PTPRD: variants seen among roughly 807,000 people sequenced by gnomAD.
PTPRD encodes receptor-type tyrosine-protein phosphatase delta.
PTPRD carries 34 observed loss-of-function variants against 214.5 expected under a neutral mutation model. The ratio of observed to expected loss-of-function variants is 0.16; its 90% CI spans 0.12 to 0.21. The LOEUF is 0.21. Among genes scored for constraint, PTPRD ranks in the 10% least tolerant of loss-of-function variants. PTPRD has a pLI of 1.00. For synonymous variants in PTPRD, 1,128 were observed against 845.7 expected, an observed-to-expected ratio of 1.33 and a Z score of -5.79; for missense variants, 2,545 against 2,398.7, an observed-to-expected ratio of 1.06 and a Z score of -1.27.
At chr9:10,081,205 A>T (rs1384631109) in intron 3 of PTPRD, among the ~76,000 whole-genome samples, 1 of 152,104 alleles carries the variant, frequency 6.6e-6, no homozygotes, top group African/African-American at 2.4e-5. Flanking sequence ...AATATTATGA[A>T]GTTAATAACT....
At chr9:8,795,735 T>G (rs2096396142) in intron 11 of PTPRD, among the ~76,000 whole-genome samples, 1 of 152,214 alleles carries the variant, frequency 6.6e-6, no homozygotes, top group Admixed American at 6.5e-5. Context: ...TTACAAAGTC[T>G]TATTTATGAA....
intron 2 of PTPRD, among the ~76,000 whole-genome samples, chr9:10,505,416 T>C (rs2045586173): frequency 6.6e-6 from 1 of 152,202 alleles, no homozygotes; most frequent in African/African-American, 2.4e-5. Context: ...CCTTTAAGAA[T>C]GCTGACTGCC....
chr9:9,106,342 T>C (rs1354789163), intron 10 of PTPRD, among the ~76,000 whole-genome samples: 3 of 151,880 alleles, frequency 2.0e-5, no homozygotes, highest in African/African-American at 7.3e-5. Flanking sequence ...GCATGTACCA[T>C]TTGTGTTTTA....
At chr9:9,969,804 T>C (rs2094963593) in intron 4 of PTPRD, among the ~76,000 whole-genome samples, 1 of 152,192 alleles carries the variant, frequency 6.6e-6, no homozygotes, top group Non-Finnish European at 1.5e-5. Context: ...TTTCAAACTT[T>C]TAAAAAATTA....
rs3835267 is a variant in PTPRD at position 8,420,803 on chromosome 9, CTT to C, written c.4086+15787_4086+15788del. ...GACATGAATACTACAGATCATTTTT[CTT>C]TTTTTTTTTTTTTAAAAAAAGAAAA... On this transcript the variant is annotated intron_variant, in intron 35 of 45. Coordinates refer to ENST00000381196, the MANE Select transcript of PTPRD (RefSeq NM_002839.4). Among the ~76,000 whole-genome samples, 16 of 111,436 alleles carry C rather than the reference CTT, an allele frequency of 1.4e-4. No homozygotes were observed. The East Asian group carries it at 2.0e-3, about 14-fold the overall frequency. The allele number at this position is 111,436 out of a possible 152,430, so 73.1% of individuals were successfully genotyped here.
Position 9,612,272 on chromosome 9 carries a change from T to C in PTPRD, c.-286-37491A>G, listed in dbSNP as rs987643474. 1.4e-4 allele frequency among the ~76,000 whole-genome samples: 21 copies of C among 152,290 alleles called. No individual in the cohort carries two copies. In the East Asian group the frequency reaches 3.7e-3, roughly 27 times the overall value. On this transcript the variant is annotated intron_variant, in intron 7 of 45. Coordinates refer to ENST00000381196, the MANE Select transcript of PTPRD (RefSeq NM_002839.4). ...ATGAAGTTAGAAAGGTGGTCTTGAC[T>C]GAGTTCTCAGATGCGAATAGTACAG... is the stretch of plus-strand genomic sequence containing the variant.
intron 2 of PTPRD, among the ~76,000 whole-genome samples, chr9:10,558,288 T>C (rs554046506): frequency 5.3e-5 from 8 of 152,268 alleles, no homozygotes; most frequent in Non-Finnish European, 7.4e-5. Flanking sequence ...AATCCAATCA[T>C]CTTTGATATA....
intron 11 of PTPRD, among the ~76,000 whole-genome samples, chr9:8,906,894 C>A (rs1395405962): frequency 1.3e-5 from 2 of 152,024 alleles, no homozygotes; most frequent in Admixed American, 1.3e-4. Flanking sequence ...CACACAAAGG[C>A]AGAGGAGACT....
At chr9:9,136,584 C>T (rs2099851259) in intron 10 of PTPRD, among the ~76,000 whole-genome samples, 2 of 152,042 alleles carry the variant, frequency 1.3e-5, no homozygotes, top group African/African-American at 4.8e-5. Flanking sequence ...TCAAGAGTAA[C>T]TTAATTTTAC....
intron 33 of PTPRD, among the ~76,000 whole-genome samples, chr9:8,452,942 G>C (rs1453071575): frequency 2.6e-5 from 4 of 152,140 alleles, no homozygotes; most frequent in Admixed American, 6.5e-5. Context: ...ATACTTATTA[G>C]AAATATCTAC....
chr9:10,185,709 T>C (rs952678377), intron 3 of PTPRD, among the ~76,000 whole-genome samples: 6 of 152,192 alleles, frequency 3.9e-5, no homozygotes, highest in Non-Finnish European at 7.4e-5. Flanking sequence ...TTATAATTAA[T>C]GTGTTAACAT....
rs191240381 is a variant in PTPRD at position 9,809,410 on chromosome 9, G to A, written c.-367-42559C>T. On this transcript the variant is annotated intron_variant, in intron 5 of 45. Coordinates refer to ENST00000381196, the MANE Select transcript of PTPRD (RefSeq NM_002839.4). ...AGCCTCCCAAGTAGCTGGGACTACAGGTGCCCACCACCACGCCTGGCTAAT... is the reference window on the plus strand; with the variant it reads ...AGCCTCCCAAGTAGCTGGGACTACAAGTGCCCACCACCACGCCTGGCTAAT... Among the ~76,000 whole-genome samples, 450 of 151,876 alleles carry A rather than the reference G, an allele frequency of 3.0e-3. 4 individuals are homozygous for A. The highest frequency in any genetic ancestry group is 0.01 in the African/African-American group (424 of 41,406).
intron 10 of PTPRD, among the ~76,000 whole-genome samples, chr9:9,035,961 C>G (rs184429941): frequency 6.6e-6 from 1 of 152,002 alleles, no homozygotes; most frequent in African/African-American, 2.4e-5. Flanking sequence ...TTTTTAAATA[C>G]TAATGTGCTT....
intron 2 of PTPRD, among the ~76,000 whole-genome samples, chr9:10,492,060 TGCATAG>T (rs541232585): frequency 2.2e-4 from 33 of 152,336 alleles, no homozygotes; most frequent in African/African-American, 7.7e-4. Context: ...TTTTTATGGC[TGCATAG>T]TATTCCATCG....
intron 5 of PTPRD, among the ~76,000 whole-genome samples, chr9:9,814,243 A>G (rs956953449): frequency 1.3e-5 from 2 of 151,810 alleles, no homozygotes; most frequent in Admixed American, 1.3e-4. Context: ...ACCAAGACAA[A>G]TGTGTCTCTC....
intron 9 of PTPRD, among the ~76,000 whole-genome samples, chr9:9,289,841 T>C (rs1415988378): frequency 2.0e-5 from 3 of 151,714 alleles, no homozygotes; most frequent in Admixed American, 6.6e-5. Context: ...TAAACCATAT[T>C]TTCTTTATTT....
intron 11 of PTPRD, among the ~76,000 whole-genome samples, chr9:8,843,781 AG>A (rs2097621826): frequency 6.6e-6 from 1 of 152,146 alleles, no homozygotes; most frequent in African/African-American, 2.4e-5. Context: ...AGGGTTGGCA[AG>A]GACCCCATTT....
chr9:9,646,321 GTGT>G lies in PTPRD; in HGVS notation c.-286-71543_-286-71541del, dbSNP rs1480374335. Among the ~76,000 whole-genome samples the G allele has an allele frequency of 2.3e-4, 27 of 116,564 alleles. 1 individual carries two copies. The highest frequency in any genetic ancestry group is 5.2e-4 in the South Asian group (2 of 3,836). 76.5% of individuals were successfully genotyped at this position (116,564 alleles called of 152,430 possible). ...GGGAGGGGTGTGTGTGTGTGTGGGT[GTGT>G]GTGTGTGTGTGTGTGTGTGGGTGTG... On this transcript the variant is annotated intron_variant, in intron 7 of 45. Coordinates refer to ENST00000381196, the MANE Select transcript of PTPRD (RefSeq NM_002839.4).
In PTPRD at chr9:8,636,736, T is replaced by C; in HGVS notation, c.173A>G (p.Asn58Ser). 1 of 1,614,082 alleles carries C rather than the reference T, an allele frequency of 6.2e-7. No individual in the cohort carries two copies. Among genetic ancestry groups the C allele is most frequent in the Non-Finnish European group, 8.5e-7 (1 of 1,179,948 alleles). ...TGDPRPKIVW[N>S]KKGKKVSNQR... ...ATTGCTGACTTTCTTTCCTTTTTTG[T>C]TCCAGACAATTTTAGGTCTTGGGTC... Residue 58 changes from asparagine (N) to serine (S), a missense_variant, in exon 13 of 46, where the codon AAC (asparagine) becomes AGC (serine). Coordinates refer to ENST00000381196, the MANE Select transcript of PTPRD (RefSeq NM_002839.4).
Sources: allele counts gnomAD v4.1 joint callset (sites outside exome capture counted in the v4.1 genomes callset), GRCh38; gene constraint gnomAD v4.1.1; transcripts MANE v1.5; gene names NCBI Gene and HGNC (gene_info 2026-07-23, HGNC 2026-07-21).